Variants in RAB11FIP3 observed in about 807,000 individuals in gnomAD.
RAB11FIP3 encodes the protein rab11 family-interacting protein 3.
In RAB11FIP3, 17 loss-of-function variants were observed where a neutral mutation model predicts 77.8. The observed-to-expected ratio is 0.22, with a 90% confidence interval of 0.15 to 0.33. RAB11FIP3 has a LOEUF of 0.33. RAB11FIP3 is among the 10% of genes least tolerant of loss of function. The pLI, the probability that RAB11FIP3 is intolerant of heterozygous loss-of-function variation, is 1.00. For missense variants in RAB11FIP3, 1,005 were observed against 1,011.2 expected (o/e 0.99, Z 0.08); for synonymous variants, 437 against 448.2 (o/e 0.98, Z 0.31).
chr16:428,987 T>TATTA (rs2054995142), intron 1 of RAB11FIP3, among the ~76,000 whole-genome samples: 1 of 152,076 alleles, frequency 6.6e-6, no homozygotes, highest in African/African-American at 2.4e-5. Flanking sequence ...TCTCCTGTGG[T>TATTA]ATTACTCCTT....
At chr16:488,806 C>T in intron 4 of RAB11FIP3, 45 bp from the exon 5 acceptor site, 1 of 1,592,578 alleles carries the variant, frequency 6.3e-7, no homozygotes, top group Non-Finnish European at 8.6e-7. Flanking sequence ...CTCGGGGGTG[C>T]CCTGGCCTTC....
At chr16:513,117 A>G (rs1353746945) in intron 9 of RAB11FIP3, among the ~76,000 whole-genome samples, 1 of 152,252 alleles carries the variant, frequency 6.6e-6, no homozygotes, top group Non-Finnish European at 1.5e-5. Flanking sequence ...TAAAAGCATC[A>G]GGTAACTTAA....
chr16:467,351 G>T (rs1172389299), intron 2 of RAB11FIP3, among the ~76,000 whole-genome samples: 1 of 152,216 alleles, frequency 6.6e-6, no homozygotes, highest in African/African-American at 2.4e-5. Flanking sequence ...TGAGGGGTGG[G>T]ACACTGAGCT....
At chr16:494,514 C>T (rs764435387) in intron 5 of RAB11FIP3, among the ~76,000 whole-genome samples, 7 of 151,484 alleles carry the variant, frequency 4.6e-5, no homozygotes, top group Admixed American at 1.3e-4. Context: ...CCCAGCTACT[C>T]GGGAGGCTGA....
rs919771267 is a variant in RAB11FIP3 at position 506,759 on chromosome 16, G to A, written c.1499+1132G>A. Among the ~76,000 whole-genome samples the A allele has an allele frequency of 5.9e-4, 90 of 152,236 alleles. 1 individual carries two copies. The highest frequency in any genetic ancestry group is 1.2e-4 in the Non-Finnish European group (8 of 68,040). ...AAAGCAAAGCATGTGCTCTTGTGGAGTGAAGACCCTGGGCTTGGCGGCTGC... is the reference window on the plus strand; with the variant it reads ...AAAGCAAAGCATGTGCTCTTGTGGAATGAAGACCCTGGGCTTGGCGGCTGC... On this transcript the variant is annotated intron_variant, in intron 8 of 13. Coordinates refer to ENST00000262305, the MANE Select transcript of RAB11FIP3 (RefSeq NM_014700.4). This position sits in a 1 kb window ranked among gnomAD's most constrained non-coding sequence, Gnocchi z 4.5.
intron 3 of RAB11FIP3, among the ~76,000 whole-genome samples, chr16:481,583 G>A (rs1248335513): frequency 3.4e-5 from 5 of 147,110 alleles, no homozygotes; most frequent in African/African-American, 1.3e-4. Flanking sequence ...CCTACAGGCA[G>A]GTGCCACCAC....
intron 9 of RAB11FIP3, among the ~76,000 whole-genome samples, chr16:517,818 C>T (rs2032487323): frequency 6.6e-6 from 1 of 152,118 alleles, no homozygotes; most frequent in Admixed American, 6.5e-5. Context: ...CGCGGTGGCT[C>T]ACGCCTGTAA....
At chr16:500,150 G>A (rs1042283036) in intron 6 of RAB11FIP3, among the ~76,000 whole-genome samples, 5 of 152,296 alleles carry the variant, frequency 3.3e-5, no homozygotes, top group Admixed American at 2.0e-4. Flanking sequence ...TGCAGAGACC[G>A]GGGGCTCCGG....
At chr16:446,410 G>A (rs1267869699) in intron 1 of RAB11FIP3, among the ~76,000 whole-genome samples, 1 of 152,214 alleles carries the variant, frequency 6.6e-6, no homozygotes, top group Non-Finnish European at 1.5e-5. Flanking sequence ...TTCCTTGGGA[G>A]CAGATATTTC....
chr16:438,776 G>A lies in RAB11FIP3; in HGVS notation c.714+12056G>A, dbSNP rs189009023. ...GCGATCTCAGCTCACTGCAACCTCCGCCTCCCAGGTTCAAGTGATTCTCCT... is the reference window on the plus strand; with the variant it reads ...GCGATCTCAGCTCACTGCAACCTCCACCTCCCAGGTTCAAGTGATTCTCCT... On this transcript the variant is annotated intron_variant, in intron 1 of 13. Transcript: ENST00000262305. 3.9e-3 allele frequency among the ~76,000 whole-genome samples: 581 copies of A among 150,162 alleles called. 27 individuals are homozygous for A. Among genetic ancestry groups the A allele is most frequent in the Admixed American group, 0.034 (511 of 14,930 alleles).
Position 471,103 on chromosome 16 carries a change from G to A in RAB11FIP3, c.809-192G>A, listed in dbSNP as rs1023531885. On this transcript the variant is annotated intron_variant, in intron 2 of 13. Transcript: ENST00000262305. The surrounding 1 kb of genome is among the most constrained non-coding windows in gnomAD (Gnocchi z 4.4). ...CCTGTGGGCAACGCATCTCTGACCC[G>A]TTGGCAAGGCTGTTTTCTCTCCCTG... 2.2e-4 allele frequency among the ~76,000 whole-genome samples: 34 copies of A among 151,932 alleles called. No individual in the cohort carries two copies. Among genetic ancestry groups the A allele is most frequent in the East Asian group, 9.7e-4 (5 of 5,164 alleles).
intron 5 of RAB11FIP3, among the ~76,000 whole-genome samples, chr16:492,386 A>AGGGCCCTTCCCGGG (rs1567391915): frequency 2.8e-5 from 4 of 143,392 alleles, no homozygotes; most frequent in Non-Finnish European, 4.6e-5. Context: ...GAGGCCGCCC[A>AGGGCCCTTCCCGGG]GAGCCCTCCC....
At chr16:517,934 T>G (rs1317324412) in intron 9 of RAB11FIP3, among the ~76,000 whole-genome samples, 1 of 152,054 alleles carries the variant, frequency 6.6e-6, no homozygotes, top group Non-Finnish European at 1.5e-5. Context: ...TAGAAAAAAT[T>G]AGCCGGGTGT....
rs1159526585 is a variant in RAB11FIP3, at chr16:471,866, A to G, written c.903+477A>G. On this transcript the variant is annotated intron_variant, in intron 3 of 13. Transcript: ENST00000262305. This position sits in a 1 kb window ranked among gnomAD's most constrained non-coding sequence, Gnocchi z 4.4. ...TGTCACTGTGGGTCCCTTGTTCTCA[A>G]CATAGCTGGGGAGAGGGTCTTCGAG... Among the ~76,000 whole-genome samples the G allele has an allele frequency of 6.6e-6, 1 of 152,120 alleles. No individual in the cohort carries two copies. The highest frequency in any genetic ancestry group is 6.5e-5 in the Admixed American group (1 of 15,280).
chr16:426,260 C>A lies in RAB11FIP3; in HGVS notation c.254C>A (p.Pro85His). Residue 85 changes from proline (P) to histidine (H), a missense_variant, in exon 1 of 14, where the codon CCC becomes CAC. Around this residue, in one of 4 missense-constraint regions of RAB11FIP3, gnomAD observed 466 missense variants for 408.3 expected, o/e 1.14. Transcript: ENST00000262305. This position sits in a 1 kb window ranked among gnomAD's most constrained non-coding sequence, Gnocchi z 5.0. The part of the protein sequence containing the change: ...APGLEGGPRD[P>H]GPSAPPPRSG... ...GGGCTGGAGGGAGGCCCGCGAGACC[C>A]CGGGCCGTCCGCCCCGCCGCCGCGC... The A allele has an allele frequency of 1.7e-6, 2 of 1,169,798 alleles. No individual in the cohort carries two copies. Among genetic ancestry groups the A allele is most frequent in the Non-Finnish European group, 2.1e-6 (2 of 950,014 alleles). The allele number at this position is 1,169,798 out of a possible 1,614,324, so 72.5% of individuals were successfully genotyped here.
At chr16:502,327 C>T (rs1385060554) in intron 6 of RAB11FIP3, among the ~76,000 whole-genome samples, 2 of 152,254 alleles carry the variant, frequency 1.3e-5, no homozygotes, top group Non-Finnish European at 2.9e-5. Context: ...CTACTCAGGA[C>T]CATGAGGCTG....
At chr16:427,279 G>A (rs952820403) in intron 1 of RAB11FIP3, among the ~76,000 whole-genome samples, 3 of 152,244 alleles carry the variant, frequency 2.0e-5, no homozygotes, top group South Asian at 4.1e-4. Context: ...GTCAATGCTT[G>A]TAGAGAGTCC....
intron 1 of RAB11FIP3, among the ~76,000 whole-genome samples, chr16:427,957 C>G (rs1444322621): frequency 2.0e-5 from 3 of 151,996 alleles, no homozygotes; most frequent in Non-Finnish European, 4.4e-5. Flanking sequence ...AAAAATTAGT[C>G]GGGCGTGGTG....
Position 461,449 on chromosome 16 carries a change from A to G in RAB11FIP3, c.760A>G (p.Ile254Val). 1 of 1,614,038 alleles carries G rather than the reference A, an allele frequency of 6.2e-7. No individual in the cohort carries two copies. Among genetic ancestry groups the G allele is most frequent in the Non-Finnish European group, 8.5e-7 (1 of 1,180,006 alleles). Reference protein sequence around the residue: ...KYLDPSGLGVISFEDFYQGIT... With the variant: ...KYLDPSGLGVVSFEDFYQGIT... ...CTTGGATCCCAGTGGGCTCGGCGTGATCAGCTTTGAAGACTTCTACCAAGG... is the reference window on the plus strand; with the variant it reads ...CTTGGATCCCAGTGGGCTCGGCGTGGTCAGCTTTGAAGACTTCTACCAAGG... Residue 254 changes from isoleucine (I) to valine (V), a missense_variant, in exon 2 of 14, where the codon ATC (isoleucine) becomes GTC (valine). Ile to Val is a conservative substitution (Grantham distance 29). This residue lies in a region of RAB11FIP3 where 466 missense variants were observed against 408.3 expected (regional missense o/e 1.14). Coordinates refer to ENST00000262305, the MANE Select transcript of RAB11FIP3 (RefSeq NM_014700.4). The surrounding 1 kb of genome is among the most constrained non-coding windows in gnomAD (Gnocchi z 4.5).
Sources: allele counts gnomAD v4.1 joint callset (sites outside exome capture counted in the v4.1 genomes callset), GRCh38; gene constraint gnomAD v4.1.1; regional missense constraint gnomAD v4.1.1; non-coding constraint Gnocchi (gnomAD v3.1); transcripts MANE v1.5; gene names NCBI Gene and HGNC (gene_info 2026-07-23, HGNC 2026-07-21).